The following NPIPB2 variants were observed in gnomAD, a reference collection of about 807,000 sequenced individuals.
NPIPB2 encodes nuclear pore complex-interacting protein family member B2.
NPIPB2 carries 27 observed loss-of-function variants against 30.8 expected under a neutral mutation model. That is an observed-to-expected ratio of 0.88 (90% CI 0.65 to 1.21). NPIPB2 has a LOEUF of 1.21. Among genes scored for constraint, NPIPB2 ranks in the 50% most tolerant of loss-of-function variants. The pLI is 0.00. For missense variants in NPIPB2, 440 were observed against 446.2 expected (o/e 0.99, Z 0.13); for synonymous variants, 147 against 162.0 (o/e 0.91, Z 0.70).
At chr16:11,961,312 C>T (rs896544518) in intron 1 of NPIPB2, among the ~76,000 whole-genome samples, 1 of 152,154 alleles carries the variant, frequency 6.6e-6, no homozygotes, top group South Asian at 2.1e-4. Flanking sequence ...CCTGCCTAGG[C>T]AGCCTCTCCC....
intron 4 of NPIPB2, among the ~76,000 whole-genome samples, chr16:11,933,248 A>C (rs958432349): frequency 6.7e-6 from 1 of 149,620 alleles, no homozygotes; most frequent in Non-Finnish European, 1.5e-5. Context: ...GCAAAGCTCC[A>C]TCTCAGGAAA....
intron 1 of NPIPB2, chr16:11,967,908 T>A: frequency 6.4e-7 from 1 of 1,562,118 alleles, no homozygotes; most frequent in Non-Finnish European, 8.7e-7. Flanking sequence ...AGATGATGTG[T>A]CAGATCTCTT....
chr16:11,965,797 T>G (rs2055188611), intron 1 of NPIPB2, among the ~76,000 whole-genome samples: 2 of 152,180 alleles, frequency 1.3e-5, no homozygotes, highest in Non-Finnish European at 2.9e-5. Context: ...CATAATTCAT[T>G]ATTTTAGCAA....
At chr16:11,962,503 T>C (rs1280984025) in intron 1 of NPIPB2, among the ~76,000 whole-genome samples, 1 of 151,042 alleles carries the variant, frequency 6.6e-6, no homozygotes, top group South Asian at 2.1e-4. Context: ...TCCCAGCTAC[T>C]CTGGAGGCTG....
chr16:11,975,613 G>A (rs1460585401), intron 1 of NPIPB2, among the ~76,000 whole-genome samples: 4 of 149,080 alleles, frequency 2.7e-5, no homozygotes, highest in African/African-American at 9.9e-5. Context: ...GTTGTTGAGA[G>A]GGAGTCTCAC....
At chr16:11,972,552 G>T (rs1007800856) in intron 1 of NPIPB2, among the ~76,000 whole-genome samples, 3 of 151,754 alleles carry the variant, frequency 2.0e-5, no homozygotes, top group African/African-American at 7.3e-5. Context: ...TCCAGCATGA[G>T]TAACACAGTG....
chr16:11,945,285 G>T (rs1382666801), upstream of NPIPB2, among the ~76,000 whole-genome samples: 1 of 152,174 alleles, frequency 6.6e-6, no homozygotes, highest in Non-Finnish European at 1.5e-5. Flanking sequence ...GAAGGCTGAG[G>T]CAGGGACATC....
intron 1 of NPIPB2, among the ~76,000 whole-genome samples, chr16:11,957,524 C>T (rs1407862925): frequency 6.6e-6 from 1 of 151,638 alleles, no homozygotes; most frequent in East Asian, 1.9e-4. Context: ...GAACTCCTAA[C>T]CTCAAATGGT....
At chr16:11,972,862 C>CAAA (rs200717499) in intron 1 of NPIPB2, among the ~76,000 whole-genome samples, 1 of 100,360 alleles carries the variant, frequency 1.0e-5, no homozygotes. Context: ...GATTCGGACT[C>CAAA]AAAAAAAAAA....
intron 1 of NPIPB2, among the ~76,000 whole-genome samples, chr16:11,953,540 C>T (rs1481519586): frequency 6.6e-6 from 1 of 151,796 alleles, no homozygotes; most frequent in Non-Finnish European, 1.5e-5. Flanking sequence ...TTAATAGAGA[C>T]GGAGTTTCCC....
At chr16:11,959,512 C>T (rs960308334) in intron 1 of NPIPB2, among the ~76,000 whole-genome samples, 2 of 151,886 alleles carry the variant, frequency 1.3e-5, no homozygotes, top group East Asian at 3.9e-4. Context: ...ATTGTTTGAG[C>T]CTAGGAATTC....
rs138438152 is a variant in NPIPB2, at chr16:11,962,991, C to T, written c.-584+13577G>A. On this transcript the variant is annotated intron_variant, in intron 1 of 5. Coordinates refer to the NPIPB2 transcript ENST00000538896. ...CTGAGGCAGGAGAATCACTTGAACCCGGGAGGCAGAGGTTGCAGATCGCAC... is the reference window on the plus strand; with the variant it reads ...CTGAGGCAGGAGAATCACTTGAACCTGGGAGGCAGAGGTTGCAGATCGCAC... Among the ~76,000 whole-genome samples the T allele has an allele frequency of 8.6e-3, 1,310 of 152,120 alleles. 17 individuals carry two copies. Among genetic ancestry groups the T allele is most frequent in the Admixed American group, 0.014 (216 of 15,222 alleles).
chr16:11,962,344 C>T (rs1182743691), intron 1 of NPIPB2, among the ~76,000 whole-genome samples: 1 of 151,592 alleles, frequency 6.6e-6, no homozygotes, highest in African/African-American at 2.4e-5. Context: ...ACTAAAAATA[C>T]AAATATTAGC....
chr16:11,970,460 A>G (rs918212653), intron 1 of NPIPB2, among the ~76,000 whole-genome samples: 14 of 151,900 alleles, frequency 9.2e-5, no homozygotes, highest in African/African-American at 2.2e-4. Flanking sequence ...TGATCCACCC[A>G]CTTTGGCCTG....
At chr16:11,965,180 C>T (rs1239469497) in intron 1 of NPIPB2, 1 of 1,004,484 alleles carries the variant, frequency 1.0e-6, no homozygotes. Flanking sequence ...CAGACAGCCC[C>T]CGTAAGAACC....
rs900922393 is a variant in NPIPB2 at position 11,948,735 on chromosome 16, C to G, written c.-583-6621G>C. Among the ~76,000 whole-genome samples the G allele has an allele frequency of 3.0e-5, 4 of 135,320 alleles. No individual in the cohort carries two copies. In the East Asian group the frequency reaches 6.5e-4, roughly 22 times the overall value. The allele number at this position is 135,320 out of a possible 152,430, so 88.8% of individuals were successfully genotyped here. On this transcript the variant is annotated intron_variant, in intron 1 of 5. Coordinates refer to the NPIPB2 transcript ENST00000538896. The stretch of plus-strand genomic sequence containing the variant: ...TGAGCCGAGATCCCGCCACTGCACT[C>G]CAGCCTGGGTGACAGAGCGAGACTC...
upstream of NPIPB2, among the ~76,000 whole-genome samples, chr16:11,943,027 AAAAC>A (rs2054959307): frequency 6.6e-6 from 1 of 152,230 alleles, no homozygotes; most frequent in Non-Finnish European, 1.5e-5. Context: ...AAGCAAAACA[AAAAC>A]AAAACAGGGG....
chr16:11,962,611 C>CAAAA (rs765156261), intron 1 of NPIPB2, among the ~76,000 whole-genome samples: 2 of 34,606 alleles, frequency 5.8e-5, no homozygotes, highest in Non-Finnish European at 1.3e-4. Flanking sequence ...GATTCTGTCT[C>CAAAA]AAAAAAAAAA....
At chr16:11,962,988 A>T (rs1332857244) in intron 1 of NPIPB2, among the ~76,000 whole-genome samples, 1 of 152,058 alleles carries the variant, frequency 6.6e-6, no homozygotes, top group Non-Finnish European at 1.5e-5. Flanking sequence ...AATCACTTGA[A>T]CCCGGGAGGC....
Sources: gnomAD v4.1 joint callset for allele counts (sites outside exome capture counted in the v4.1 genomes callset) on GRCh38, gnomAD v4.1.1 for gene constraint, MANE v1.5 for transcripts, NCBI Gene and HGNC (gene_info 2026-07-23, HGNC 2026-07-21) for gene names.